ZNF777: variants seen among roughly 807,000 people sequenced by gnomAD.
The protein encoded by ZNF777 is zinc finger protein 777.
Under a neutral mutation model 72.1 loss-of-function variants are expected in ZNF777, and 7 were observed. The ratio of observed to expected loss-of-function variants is 0.10; its 90% CI spans 0.06 to 0.18. ZNF777 has a LOEUF of 0.18. Ranked by LOEUF, ZNF777 falls within the 10% of genes least tolerant of loss-of-function variation. ZNF777 has a pLI of 1.00. For missense variants in ZNF777, 828 were observed against 1,128.6 expected (o/e 0.73, Z 3.82); for synonymous variants, 545 against 483.5 (o/e 1.13, Z -1.67).
rs769331246 is a variant in ZNF777, at chr7:149,455,656, G to A, written c.367C>T (p.His123Tyr). 7.0e-6 allele frequency: 11 copies of A among 1,564,734 alleles called. No individual in the cohort carries two copies. In the African/African-American group the frequency reaches 1.2e-4, roughly 18 times the overall value. Reference protein sequence around the residue: ...QEVSLLSHSPHHQEAPVHSPE... With the variant: ...QEVSLLSHSPYHQEAPVHSPE... ...GAGTGAACGGGGGCTTCCTGGTGGT[G>A]GGGGGAGTGGGAGAGAAGGGAGACT... The change falls in exon 2 of 6, where the codon CAC (histidine) becomes TAC (tyrosine). Residue 123 changes from histidine (H) to tyrosine (Y), a missense_variant. Physicochemically the swap from His to Tyr is moderately conservative, Grantham distance 83. Transcript: ENST00000247930. This position sits in a 1 kb window ranked among gnomAD's most constrained non-coding sequence, Gnocchi z 4.2.
At chr7:149,459,678 C>T (rs1389576893) in intron 1 of ZNF777, 2 of 985,058 alleles carry the variant, frequency 2.0e-6, no homozygotes, top group African/African-American at 1.7e-5. Flanking sequence ...TTGGGGCCGG[C>T]AGGGCGGGTC....
chr7:149,448,505 ATATAT>A lies in ZNF777; in HGVS notation c.1087+2489_1087+2493del, dbSNP rs1563237661. 5.6e-4 allele frequency among the ~76,000 whole-genome samples: 75 copies of A among 133,874 alleles called. 3 individuals carry two copies. Among genetic ancestry groups the A allele is most frequent in the African/African-American group, 2.1e-3 (70 of 33,054 alleles). The allele number at this position is 133,874 out of a possible 152,430, so 87.8% of individuals were successfully genotyped here. On this transcript the variant is annotated intron_variant, in intron 4 of 5. Transcript: ENST00000247930. Reference sequence around the variant, plus strand: ...CAAAACTATATATATATATATATATATATATAACTATATATAGTTATACATATAGT... The same window carrying A: ...CAAAACTATATATATATATATATATAAACTATATATAGTTATACATATAGT...
chr7:149,438,945 C>T (rs1162088314), intron 4 of ZNF777, among the ~76,000 whole-genome samples: 1 of 152,136 alleles, frequency 6.6e-6, no homozygotes, highest in African/African-American at 2.4e-5. Context: ...CCTTTGATTC[C>T]CTCAGAACTG....
At chr7:149,448,525 A>AAAC (rs1799650565) in intron 4 of ZNF777, among the ~76,000 whole-genome samples, 1 of 142,448 alleles carries the variant, frequency 7.0e-6, no homozygotes, top group African/African-American at 2.7e-5. Context: ...ATATATAGTT[A>AAAC]TACATATAGT....
chr7:149,454,837 C>A (rs1474405102), intron 2 of ZNF777, among the ~76,000 whole-genome samples: 1 of 152,200 alleles, frequency 6.6e-6, no homozygotes, highest in Non-Finnish European at 1.5e-5. Context: ...AAGCTCCTTC[C>A]TCTGCTGCAA....
chr7:149,458,027 C>T (rs1345022153), intron 1 of ZNF777, among the ~76,000 whole-genome samples: 1 of 152,060 alleles, frequency 6.6e-6, no homozygotes, highest in Non-Finnish European at 1.5e-5. Flanking sequence ...TCTAAAATCC[C>T]GAGGCCTGGA....
At chr7:149,435,719 G>A (rs923756962) in intron 5 of ZNF777, among the ~76,000 whole-genome samples, 3 of 152,042 alleles carry the variant, frequency 2.0e-5, no homozygotes, top group Admixed American at 6.6e-5. Context: ...GTCCATGTGG[G>A]TTCTACCAAT....
Position 149,439,267 on chromosome 7 carries a change from A to G in ZNF777, c.1088-2441T>C, listed in dbSNP as rs560771412. 4.0e-4 allele frequency among the ~76,000 whole-genome samples: 61 copies of G among 152,226 alleles called. 1 individual carries two copies. The highest frequency in any genetic ancestry group is 4.6e-4 in the Non-Finnish European group (31 of 68,018). The stretch of plus-strand genomic sequence containing the variant: ...AAATTGTTATGATCCCTCCACAAAC[A>G]TGACCACGACTCTAGCATCAGGAAA... On this transcript the variant is annotated intron_variant, in intron 4 of 5. Transcript: ENST00000247930.
In ZNF777 at chr7:149,455,529, G is replaced by T. The variant is rs751524345; in HGVS notation, c.494C>A (p.Pro165His). 1.9e-6 allele frequency: 3 copies of T among 1,614,042 alleles called. No individual in the cohort carries two copies. The highest frequency in any genetic ancestry group is 2.5e-6 in the Non-Finnish European group (3 of 1,180,016). Residue 165 changes from proline (P) to histidine (H), a missense_variant, in exon 2 of 6, where the codon CCT becomes CAT. By Grantham distance (77) the Pro-to-His change is moderately conservative (BLOSUM62 -2). Around this residue, in one of 12 missense-constraint regions of ZNF777, gnomAD observed 222 missense variants for 211.2 expected, o/e 1.05. Transcript: ENST00000247930. The surrounding 1 kb of genome is among the most constrained non-coding windows in gnomAD (Gnocchi z 4.2). ...LQSPVSQKDT[P>H]FQISSAVQKE... Reference sequence around the variant, plus strand: ...CTGGACTGCAGAAGAGATCTGGAAAGGGGTGTCCTTTTGGGAAACCGGGCT... The same window carrying T: ...CTGGACTGCAGAAGAGATCTGGAAATGGGTGTCCTTTTGGGAAACCGGGCT...
intron 3 of ZNF777, among the ~76,000 whole-genome samples, chr7:149,451,929 T>C (rs1290617302): frequency 6.6e-6 from 1 of 152,178 alleles, no homozygotes; most frequent in Non-Finnish European, 1.5e-5. Context: ...TATAAATAGG[T>C]AATTCATAGA....
chr7:149,432,994 A>AT, intron 5 of ZNF777, 62 bp from the exon 6 acceptor site: 1 of 1,446,276 alleles, frequency 6.9e-7, no homozygotes, highest in South Asian at 1.5e-5. Context: ...ACCTACCTGG[A>AT]TGGAGGTACA....
intron 4 of ZNF777, among the ~76,000 whole-genome samples, chr7:149,441,229 C>T (rs1268341320): frequency 1.3e-5 from 2 of 152,270 alleles, no homozygotes; most frequent in Non-Finnish European, 1.5e-5. Flanking sequence ...AAGACACATA[C>T]ATTGTGGGAA....
At chr7:149,443,922 C>T (rs1232858529) in intron 4 of ZNF777, among the ~76,000 whole-genome samples, 1 of 152,160 alleles carries the variant, frequency 6.6e-6, no homozygotes, top group African/African-American at 2.4e-5. Flanking sequence ...AGTTCTTTTC[C>T]ACTCCTCTGC....
Position 149,455,842 on chromosome 7 carries a change from T to C in ZNF777, c.181A>G (p.Ser61Gly), listed in dbSNP as rs1176318080. The C allele has an allele frequency of 3.1e-6, 5 of 1,613,310 alleles. No individual in the cohort carries two copies. The highest frequency in any genetic ancestry group is 4.2e-6 in the Non-Finnish European group (5 of 1,179,876). The change falls in exon 2 of 6, where the codon AGT (serine) becomes GGT (glycine). Residue 61 changes from serine (S) to glycine (G), a missense_variant. By Grantham distance (56) the Ser-to-Gly change is moderately conservative (BLOSUM62 0). This residue lies in a region of ZNF777 where 222 missense variants were observed against 211.2 expected (regional missense o/e 1.05). Transcript: ENST00000247930. The surrounding 1 kb of genome is among the most constrained non-coding windows in gnomAD (Gnocchi z 4.2). ...CCAGAAGTCTCTTGCTTGGGAGCAC[T>C]GGAAGTTTGGGGCAGGGAGCCTTGA... The part of the protein sequence containing the change: ...PRQGSLPQTS[S>G]APKQETSGRM...
At chr7:149,459,952 G>T (rs1180327451) in intron 1 of ZNF777, 57 of 927,382 alleles carry the variant, frequency 6.1e-5, no homozygotes, top group Non-Finnish European at 7.3e-5. Context: ...CTCCCCCACC[G>T]CCCGGGTCAA....
chr7:149,435,286 T>G (rs1799391116), intron 5 of ZNF777, among the ~76,000 whole-genome samples: 1 of 152,086 alleles, frequency 6.6e-6, no homozygotes, highest in Non-Finnish European at 1.5e-5. Flanking sequence ...TCCTCCCACC[T>G]CAGCCTCCCA....
rs988261579 is a variant in ZNF777, at chr7:149,433,441, C to T, written c.1340-509G>A. On this transcript the variant is annotated intron_variant, in intron 5 of 5. Transcript: ENST00000247930. ...CAGCTGTACCAAAGGGTCTCCACTCCTAAGGTTCTCAGTCTTTGCCCCTCT... is the reference window on the plus strand; with the variant it reads ...CAGCTGTACCAAAGGGTCTCCACTCTTAAGGTTCTCAGTCTTTGCCCCTCT... Among the ~76,000 whole-genome samples the T allele has an allele frequency of 2.6e-5, 4 of 152,350 alleles. No individual in the cohort carries two copies. The South Asian group carries it at 6.2e-4, about 24-fold the overall frequency.
intron 4 of ZNF777, 98 bp downstream of exon 4, chr7:149,450,901 T>TG: frequency 9.3e-7 from 1 of 1,080,122 alleles, no homozygotes; most frequent in Non-Finnish European, 1.3e-6. Flanking sequence ...TAACATATCC[T>TG]GGCAGGGCCT....
At chr7:149,450,382 C>G (rs1239095309) in intron 4 of ZNF777, among the ~76,000 whole-genome samples, 1 of 152,164 alleles carries the variant, frequency 6.6e-6, no homozygotes, top group East Asian at 1.9e-4. Context: ...GATATTAGTG[C>G]CAGTTCTATT....
Sources: gnomAD v4.1 joint callset for allele counts (sites outside exome capture counted in the v4.1 genomes callset) on GRCh38, gnomAD v4.1.1 for gene constraint, gnomAD v4.1.1 regional missense constraint, Gnocchi (gnomAD v3.1) non-coding constraint, MANE v1.5 for transcripts, NCBI Gene and HGNC (gene_info 2026-07-23, HGNC 2026-07-21) for gene names.